The following C18orf63 variants were observed in gnomAD, a reference collection of about 807,000 sequenced individuals.
C18orf63 encodes the protein chromosome 18 open reading frame 63.
C18orf63 carries 50 observed loss-of-function variants against 75.3 expected under a neutral mutation model. The observed-to-expected ratio is 0.66, with a 90% confidence interval of 0.53 to 0.84. The LOEUF is 0.84. Ranked by LOEUF, C18orf63 falls within the 40% of genes least tolerant of loss-of-function variation. The probability of loss-of-function intolerance (pLI) is 0.00; values close to 1 mark genes in which losing one functional copy is unlikely to be tolerated. For missense variants in C18orf63, 732 were observed against 800.2 expected, an observed-to-expected ratio of 0.91 and a Z score of 1.03; for synonymous variants, 232 against 267.6, an observed-to-expected ratio of 0.87 and a Z score of 1.30.
intron 4 of C18orf63, among the ~76,000 whole-genome samples, chr18:74,322,967 G>T (rs1245900714): frequency 1.3e-5 from 2 of 152,138 alleles, no homozygotes; most frequent in African/African-American, 4.8e-5. Flanking sequence ...TTTATTTCAG[G>T]CATTTTATGT....
At chr18:74,319,211 C>T (rs1018168066) in intron 2 of C18orf63, among the ~76,000 whole-genome samples, 1 of 152,096 alleles carries the variant, frequency 6.6e-6, no homozygotes, top group Non-Finnish European at 1.5e-5. Context: ...TTGAAGGCAG[C>T]CATTCCCACA....
rs1297923255 is a variant in C18orf63 at position 74,350,072 on chromosome 18, G to A, written c.979-3174G>A. On this transcript the variant is annotated intron_variant, in intron 11 of 13. Transcript: ENST00000579455. The stretch of plus-strand genomic sequence containing the variant: ...CAGTCACAGCATAGAGATTGGCTGT[G>A]GGGTGTGGGGGTAGGAGGCCTTCAC... Among the ~76,000 whole-genome samples the A allele has an allele frequency of 2.0e-5, 3 of 152,276 alleles. No individual in the cohort carries two copies. The East Asian group carries it at 5.8e-4, about 29-fold the overall frequency.
At chr18:74,329,504 T>C (rs1984268916) in intron 6 of C18orf63, among the ~76,000 whole-genome samples, 1 of 152,130 alleles carries the variant, frequency 6.6e-6, no homozygotes, top group Admixed American at 6.5e-5. Flanking sequence ...TCACTTCTTA[T>C]TCAAAATGTA....
Position 74,330,870 on chromosome 18 carries a change from A to T in C18orf63, c.429A>T (p.Leu143Phe). 1 of 1,341,028 alleles carries T rather than the reference A, an allele frequency of 7.5e-7. No homozygotes were observed. The highest frequency in any genetic ancestry group is 1.0e-6 in the Non-Finnish European group (1 of 990,122). The allele number at this position is 1,341,028 out of a possible 1,614,324, so 83.1% of individuals were successfully genotyped here. The change falls in exon 7 of 14, where the codon TTA (leucine) becomes TTT (phenylalanine). Residue 143 changes from leucine to phenylalanine, a missense_variant. Leu to Phe is a conservative substitution (Grantham distance 22). This residue lies in a region of C18orf63 where 233 missense variants were observed against 272.7 expected (regional missense o/e 0.85). Coordinates refer to ENST00000579455, the MANE Select transcript of C18orf63 (RefSeq NM_001174123.2). ...AGTTAAATATTTTATTTTCAGTATT[A>T]AACATCAATGTAACAGAAACTCAAG... ...SQMGKQSAVV[L>F]NINVTETQVC...
intron 5 of C18orf63, 114 bp downstream of exon 5, chr18:74,328,172 T>C: frequency 1.5e-6 from 1 of 646,274 alleles, no homozygotes; most frequent in Non-Finnish European, 2.6e-6. Flanking sequence ...GGAAAATTTA[T>C]AAAGGAAAGG....
At chr18:74,321,385 A>G (rs1315020417) in intron 3 of C18orf63, among the ~76,000 whole-genome samples, 1 of 149,354 alleles carries the variant, frequency 6.7e-6, no homozygotes, top group Non-Finnish European at 1.5e-5. Flanking sequence ...ACTCACTGCT[A>G]CTTCCACCTC....
chr18:74,327,997 A>G lies in C18orf63; in HGVS notation c.321A>G (p.Ser107=), dbSNP rs1295174598. The G allele has an allele frequency of 2.0e-6, 3 of 1,535,690 alleles. No individual in the cohort carries two copies. Among genetic ancestry groups the G allele is most frequent in the East Asian group, 2.4e-5 (1 of 40,920 alleles). Residue 107 remains serine, a synonymous_variant, in exon 5 of 14, where the codon TCA becomes TCG. Coordinates refer to ENST00000579455, the MANE Select transcript of C18orf63 (RefSeq NM_001174123.2). ...VIPVILQNCL[S]YSFMARLAPA... is the part of the protein sequence containing the mutation. ...CTGTAATTCTTCAGAACTGCCTGTC[A>G]TATTCATTCATGGCTAGACTTGCTC...
intron 11 of C18orf63, 48 bp downstream of exon 11, chr18:74,343,750 C>T (rs1984526905): frequency 9.0e-6 from 11 of 1,226,634 alleles, no homozygotes; most frequent in Non-Finnish European, 1.1e-5. Context: ...TACTATCCAT[C>T]TATTTTACTT....
At chr18:74,326,687 T>C (rs1302291996) in intron 4 of C18orf63, among the ~76,000 whole-genome samples, 2 of 152,178 alleles carry the variant, frequency 1.3e-5, no homozygotes, top group Admixed American at 1.3e-4. Flanking sequence ...TCCCATCTTT[T>C]GGGGATCACT....
At chr18:74,348,704 C>T (rs190157827) in intron 11 of C18orf63, among the ~76,000 whole-genome samples, 298 of 152,098 alleles carry the variant, frequency 2.0e-3, no homozygotes, top group Admixed American at 5.8e-3. Flanking sequence ...TGTTGGCTTG[C>T]GACTTCACAA....
chr18:74,353,108 T>C, intron 11 of C18orf63, 138 bp from the exon 12 acceptor site: 1 of 650,068 alleles, frequency 1.5e-6, no homozygotes, highest in Non-Finnish European at 2.6e-6. Flanking sequence ...CTCATTTTTA[T>C]TTTGTTTTTC....
chr18:74,324,126 A>G (rs190136123), intron 4 of C18orf63, among the ~76,000 whole-genome samples: 2 of 152,384 alleles, frequency 1.3e-5, no homozygotes, highest in African/African-American at 4.8e-5. Flanking sequence ...CAATAATCAT[A>G]CAGATGCACT....
intron 2 of C18orf63, among the ~76,000 whole-genome samples, chr18:74,319,855 T>C (rs1017373917): frequency 6.6e-6 from 1 of 152,170 alleles, no homozygotes; most frequent in Admixed American, 6.5e-5. Flanking sequence ...TTCTAAAAGA[T>C]GAATTTAGGT....
At chr18:74,336,096 A>T (rs555862394) in intron 7 of C18orf63, among the ~76,000 whole-genome samples, 5 of 152,094 alleles carry the variant, frequency 3.3e-5, no homozygotes, top group Non-Finnish European at 5.9e-5. Context: ...TATTGTTATT[A>T]TTTTATAAAT....
chr18:74,332,358 A>G (rs1984321872), intron 7 of C18orf63, among the ~76,000 whole-genome samples: 1 of 152,072 alleles, frequency 6.6e-6, no homozygotes, highest in Non-Finnish European at 1.5e-5. Context: ...TAATCCATGA[A>G]TGGATTAATC....
At position 74,319,393 on chromosome 18, in the gene C18orf63, G is replaced by A. The variant is rs559041032; in HGVS notation, c.135-1120G>A. ...GAAGCCACCAGAAACAGATTGGCCCGTGTTGCTTTTTAAGGTAACCCCATA... is the reference window on the plus strand; with the variant it reads ...GAAGCCACCAGAAACAGATTGGCCCATGTTGCTTTTTAAGGTAACCCCATA... On this transcript the variant is annotated intron_variant, in intron 2 of 13. Transcript: ENST00000579455. 4.6e-5 allele frequency among the ~76,000 whole-genome samples: 7 copies of A among 152,234 alleles called. No individual in the cohort carries two copies. The East Asian group carries it at 9.7e-4, about 21-fold the overall frequency.
intron 1 of C18orf63, 53 bp from the exon 2 acceptor site, chr18:74,317,781 G>T: frequency 9.6e-7 from 1 of 1,043,634 alleles, no homozygotes; most frequent in South Asian, 2.4e-5. Flanking sequence ...CTTGGTATTG[G>T]AACTCTATTG....
intron 7 of C18orf63, among the ~76,000 whole-genome samples, chr18:74,331,571 A>G (rs892535740): frequency 2.0e-5 from 3 of 152,166 alleles, no homozygotes; most frequent in African/African-American, 7.2e-5. Flanking sequence ...TTTGGTTATC[A>G]CAGTGGAGGA....
At chr18:74,321,595 G>A (rs1363945348) in intron 3 of C18orf63, among the ~76,000 whole-genome samples, 4 of 151,858 alleles carry the variant, frequency 2.6e-5, no homozygotes, top group East Asian at 1.9e-4. Flanking sequence ...TTGAGCCACC[G>A]TGCCCAGCCA....
Sources: allele counts gnomAD v4.1 joint callset (sites outside exome capture counted in the v4.1 genomes callset), GRCh38; gene constraint gnomAD v4.1.1; regional missense constraint gnomAD v4.1.1; transcripts MANE v1.5; gene names NCBI Gene and HGNC (gene_info 2026-07-23, HGNC 2026-07-21).